The following SERPINE3 variants were observed in gnomAD, a reference collection of about 807,000 sequenced individuals.
SERPINE3 encodes serpin family E member 3, also known as serpin E3.
In SERPINE3, 43 loss-of-function variants were observed where a neutral mutation model predicts 41.7. The observed-to-expected ratio is 1.03, with a 90% CI of 0.81 to 1.33. The LOEUF is 1.33. Ranked by LOEUF, SERPINE3 falls within the 40% of genes most tolerant of loss-of-function variation. The probability of loss-of-function intolerance (pLI) is 0.00; values close to 1 mark genes in which losing one functional copy is unlikely to be tolerated. For missense variants in SERPINE3, 440 were observed against 491.7 expected (o/e 0.89, Z 0.99); for synonymous variants, 200 against 192.2 (o/e 1.04, Z -0.34).
chr13:51,348,147 G>A, intron 5 of SERPINE3, 66 bp from the exon 6 acceptor site: 1 of 1,266,942 alleles, frequency 7.9e-7, no homozygotes, highest in Non-Finnish European at 1.1e-6. Flanking sequence ...CTCTCTCAGG[G>A]TCCGACACTG....
At chr13:51,363,743 T>C (rs1955630731) in intron 9 of SERPINE3, 1 of 151,900 alleles carries the variant, frequency 6.6e-6, no homozygotes, top group East Asian at 1.9e-4. Context: ...TCTGATAGGT[T>C]TCAAACCCTC....
rs750658358 is a variant in SERPINE3 at position 51,361,335 on chromosome 13, A to C, written c.1058A>C (p.Glu353Ala). 1 of 1,610,032 alleles carries C rather than the reference A, an allele frequency of 6.2e-7. No homozygotes were observed. Among genetic ancestry groups the C allele is most frequent in the Non-Finnish European group, 8.5e-7 (1 of 1,177,426 alleles). Residue 353 changes from glutamate (E) to alanine (A), a missense_variant, in exon 8 of 10, where the codon GAG becomes GCG. Transcript: ENST00000681248. The stretch of plus-strand genomic sequence containing the variant: ...CACAAGGCCAAGATTGAAGTTTTGG[A>C]GGAAGGCACCAAGGCATCTGGAGCC... ...AIHKAKIEVL[E>A]EGTKASGATA... is the part of the protein sequence containing the mutation.
In SERPINE3 at chr13:51,364,397, G is replaced by T; in HGVS notation, c.*115G>T. 3 of 539,688 alleles carry T rather than the reference G, an allele frequency of 5.6e-6. No individual in the cohort carries two copies. The highest frequency in any genetic ancestry group is 6.3e-5 in the South Asian group (2 of 31,926). The allele number at this position is 539,688 out of a possible 1,614,324, so 33.4% of individuals were successfully genotyped here. ...AAAGTGTAAAAAGCTAAGGGTATGT[G>T]ATTTTCAATATTATAAACCTAAAAA... On this transcript the variant is annotated 3_prime_UTR_variant, in exon 10 of 10. Transcript: ENST00000681248.
At chr13:51,361,675 C>T in intron 8 of SERPINE3, 135 bp from the exon 9 acceptor site, 1 of 743,998 alleles carries the variant, frequency 1.3e-6, no homozygotes, top group South Asian at 2.1e-5. Flanking sequence ...CATCTGCACC[C>T]CCATCACAAC....
intron 9 of SERPINE3, chr13:51,362,745 A>G (rs1425399711): frequency 6.6e-6 from 1 of 152,484 alleles, no homozygotes; most frequent in Non-Finnish European, 1.5e-5. Flanking sequence ...AGTTTTACAT[A>G]AATTGTTAAG....
chr13:51,363,422 C>T (rs996547398), intron 9 of SERPINE3: 2 of 151,724 alleles, frequency 1.3e-5, no homozygotes, highest in African/African-American at 4.8e-5. Context: ...AGAAATGAGT[C>T]TCAGCCTTCA....
intron 4 of SERPINE3, 144 bp downstream of exon 4, chr13:51,344,629 A>C (rs1955328235): frequency 1.5e-6 from 1 of 668,742 alleles, no homozygotes; most frequent in African/African-American, 1.8e-5. Flanking sequence ...CCTACCCTTG[A>C]ATGACAAGGG....
intron 8 of SERPINE3, 177 bp downstream of exon 8, chr13:51,361,541 G>A: frequency 1.7e-6 from 1 of 593,718 alleles, no homozygotes; most frequent in Non-Finnish European, 3.0e-6. Context: ...TGACGGGGAA[G>A]AAGAGATATC....
intron 4 of SERPINE3, among the ~76,000 whole-genome samples, chr13:51,344,996 G>A (rs1955331696): frequency 6.6e-6 from 1 of 152,258 alleles, no homozygotes; most frequent in Non-Finnish European, 1.5e-5. Flanking sequence ...TCGCTGCCCA[G>A]CAATGAGGTG....
chr13:51,344,499 G>A lies in SERPINE3; in HGVS notation c.490+14G>A. Reference sequence around the variant, plus strand: ...GAGAGACTGCAGGTAAAAGAAAACTGTACATTTCAACAAGGCTAAGGCAGA... The same window carrying A: ...GAGAGACTGCAGGTAAAAGAAAACTATACATTTCAACAAGGCTAAGGCAGA... On this transcript the variant is annotated intron_variant, in intron 4 of 9. Transcript: ENST00000681248. 2 of 1,545,642 alleles carry A rather than the reference G, an allele frequency of 1.3e-6. No individual in the cohort carries two copies. The highest frequency in any genetic ancestry group is 8.8e-7 in the Non-Finnish European group (1 of 1,138,972).
chr13:51,344,176 C>T, intron 3 of SERPINE3, 76 bp from the exon 4 acceptor site: 1 of 1,020,774 alleles, frequency 9.8e-7, no homozygotes. Context: ...CATCTCAATG[C>T]AATGTGTGCT....
At chr13:51,342,178 C>CAAAAAAAAAAAAAAA (rs869298134) in intron 3 of SERPINE3, among the ~76,000 whole-genome samples, 4 of 63,558 alleles carry the variant, frequency 6.3e-5, no homozygotes, top group Middle Eastern at 9.3e-3. Context: ...AAAGACAGAA[C>CAAAAAAAAAAAAAAA]AAAAAAAAAA....
chr13:51,347,196 A>G lies in SERPINE3; in HGVS notation c.662A>G (p.Gln221Arg), dbSNP rs373304407. ...PFTCAYGLVL[Q>R]VPMMHQTTEV... ...ACCTGTGCCTATGGCCTCGTCCTTC[A>G]GGTCCCCATGATGCACCAAACGACC... Residue 221 changes from glutamine to arginine, a missense_variant, in exon 5 of 10, where the codon CAG (glutamine) becomes CGG (arginine). Gln to Arg is a conservative substitution (Grantham distance 43, BLOSUM62 1). Transcript: ENST00000681248. 4.3e-6 allele frequency: 7 copies of G among 1,613,792 alleles called. No individual in the cohort carries two copies. The highest frequency in any genetic ancestry group is 1.3e-5 in the African/African-American group (1 of 74,924).
intron 7 of SERPINE3, among the ~76,000 whole-genome samples, chr13:51,359,413 G>T (rs758010035): frequency 2.0e-4 from 31 of 152,032 alleles, no homozygotes; most frequent in Middle Eastern, 6.3e-3. Flanking sequence ...CTGATGCTGG[G>T]GCATGACATA....
At chr13:51,342,226 G>A (rs541763021) in intron 3 of SERPINE3, among the ~76,000 whole-genome samples, 3 of 148,182 alleles carry the variant, frequency 2.0e-5, no homozygotes, top group East Asian at 4.0e-4. Context: ...GCGGCCTCAC[G>A]TTCATTCAAA....
At chr13:51,344,211 A>C (rs755230762) in intron 3 of SERPINE3, 41 bp from the exon 4 acceptor site, 1 of 1,475,804 alleles carries the variant, frequency 6.8e-7, no homozygotes, top group East Asian at 2.3e-5. Flanking sequence ...CTCCTTACTC[A>C]CACTCACCAT....
At chr13:51,356,047 A>T (rs1043732752) in intron 7 of SERPINE3, among the ~76,000 whole-genome samples, 3 of 152,316 alleles carry the variant, frequency 2.0e-5, no homozygotes, top group African/African-American at 7.2e-5. Flanking sequence ...TTTGATCCAC[A>T]AGAGAAGTCT....
chr13:51,355,716 G>A (rs1035167109), intron 7 of SERPINE3, among the ~76,000 whole-genome samples: 2 of 152,044 alleles, frequency 1.3e-5, no homozygotes, highest in African/African-American at 4.8e-5. Flanking sequence ...CAATCAATAG[G>A]TGCTGTTTGC....
At chr13:51,364,096 T>C (rs1955638220) in intron 9 of SERPINE3, 143 bp from the exon 10 acceptor site, 2 of 412,992 alleles carry the variant, frequency 4.8e-6, no homozygotes, top group Non-Finnish European at 8.5e-6. Context: ...TTTAGCAATG[T>C]GACTACAGGC....
Sources: gnomAD v4.1 joint callset for allele counts (sites outside exome capture counted in the v4.1 genomes callset) on GRCh38, gnomAD v4.1.1 for gene constraint, MANE v1.5 for transcripts, NCBI Gene and HGNC (gene_info 2026-07-23, HGNC 2026-07-21) for gene names.